The following MEGF11 variants were observed in gnomAD, a reference collection of about 807,000 sequenced individuals.
The protein encoded by MEGF11 is multiple EGF like domains 11.
A neutral mutation model predicts 146.6 loss-of-function variants in MEGF11; 126 were observed. That is an observed-to-expected ratio of 0.86 (90% CI 0.74 to 1.00). MEGF11 has a LOEUF of 1.00. Among genes scored for constraint, MEGF11 ranks in the 50% least tolerant of loss-of-function variants. The pLI, the probability that MEGF11 is intolerant of heterozygous loss-of-function variation, is 0.00. For synonymous variants in MEGF11, 532 were observed against 583.4 expected (o/e 0.91, Z 1.27); for missense variants, 1,509 against 1,521.2 (o/e 0.99, Z 0.13).
intron 1 of MEGF11, among the ~76,000 whole-genome samples, chr15:66,202,004 G>C (rs188083328): frequency 1.4e-5 from 2 of 145,030 alleles, no homozygotes; most frequent in South Asian, 2.2e-4. Context: ...TCTTGATCCC[G>C]GTGGGGTGGG....
chr15:65,906,011 C>A, intron 24 of MEGF11, 74 bp downstream of exon 24: 1 of 1,279,892 alleles, frequency 7.8e-7, no homozygotes, highest in Non-Finnish European at 1.1e-6. Flanking sequence ...AAGTGGAATT[C>A]CTGGCCATTT....
chr15:66,210,962 T>C (rs942827531), intron 1 of MEGF11, among the ~76,000 whole-genome samples: 1 of 151,900 alleles, frequency 6.6e-6, no homozygotes, highest in Admixed American at 6.5e-5. Flanking sequence ...GAATTTAGAG[T>C]ACGGTGTCAG....
At position 65,925,970 on chromosome 15, in the gene MEGF11, A is replaced by G. The variant is rs560471029; in HGVS notation, c.1675+2455T>C. On this transcript the variant is annotated intron_variant, in intron 13 of 25. Coordinates refer to ENST00000395614, the MANE Select transcript of MEGF11 (RefSeq NM_001385028.1). ...TGTCTCCCCTGCCAGCAATTTGAAG[A>G]CAGGTACCATGGCTTACTGCCACTT... Among the ~76,000 whole-genome samples the G allele has an allele frequency of 2.5e-4, 38 of 152,328 alleles. No individual in the cohort carries two copies. The South Asian group carries it at 7.1e-3, about 28-fold the overall frequency.
At chr15:66,147,560 G>C (rs2089419978) in intron 1 of MEGF11, among the ~76,000 whole-genome samples, 1 of 152,256 alleles carries the variant, frequency 6.6e-6, no homozygotes. Context: ...CACATGCTGA[G>C]ACCTGAAGGA....
intron 1 of MEGF11, among the ~76,000 whole-genome samples, chr15:66,167,201 A>C (rs1386506560): frequency 6.6e-6 from 1 of 152,218 alleles, no homozygotes; most frequent in Non-Finnish European, 1.5e-5. Flanking sequence ...GGGTAAAGAA[A>C]GAAAGTGCCC....
intron 1 of MEGF11, among the ~76,000 whole-genome samples, chr15:66,216,877 A>T (rs574288849): frequency 3.3e-5 from 5 of 152,214 alleles, no homozygotes; most frequent in Non-Finnish European, 7.3e-5. Context: ...TGGCTCAAGG[A>T]TACACCCCAA....
At position 66,028,804 on chromosome 15, in the gene MEGF11, G is replaced by A. The variant is rs182683970; in HGVS notation, c.395-46316C>T. ...AGTTAGAATGTAAAATTATATGTGT[G>A]TATAACTACATAATCAAAATGCTGA... On this transcript the variant is annotated intron_variant, in intron 5 of 25. Transcript: ENST00000395614. Among the ~76,000 whole-genome samples, 146 of 152,304 alleles carry A rather than the reference G, an allele frequency of 9.6e-4. 1 individual carries two copies. The highest frequency in any genetic ancestry group is 3.3e-3 in the African/African-American group (136 of 41,572).
chr15:66,182,863 G>A (rs533534327), intron 1 of MEGF11, among the ~76,000 whole-genome samples: 3 of 152,284 alleles, frequency 2.0e-5, no homozygotes, highest in South Asian at 2.1e-4. Flanking sequence ...TTCCACCCAC[G>A]GGGATGAAGC....
At chr15:66,229,117 C>T (rs988601873) in intron 1 of MEGF11, among the ~76,000 whole-genome samples, 4 of 152,154 alleles carry the variant, frequency 2.6e-5, no homozygotes, top group African/African-American at 9.7e-5. Context: ...CACTTGTCAC[C>T]TGCCAGGATC....
chr15:65,942,890 C>T (rs1323666623), intron 10 of MEGF11, among the ~76,000 whole-genome samples: 1 of 151,242 alleles, frequency 6.6e-6, no homozygotes, highest in African/African-American at 2.4e-5. Context: ...CAGCATATGA[C>T]CCTAATCAAT....
Position 65,913,734 on chromosome 15 carries a change from TACCTG to T in MEGF11, c.2708_2710+2del. 6.2e-7 allele frequency: 1 copy of T among 1,608,372 alleles called. No individual in the cohort carries two copies. The highest frequency in any genetic ancestry group is 1.1e-5 in the South Asian group (1 of 90,262). ...GGAGGGAGGCCAGGAGCATGGCCCT[TACCTG>T]AGAGGGAGTAGTCGGTGCTGGTCAT... On this transcript the variant is annotated splice_donor_variant and coding_sequence_variant, in exon 20 of 26. Transcript: ENST00000395614. LOFTEE classifies it high-confidence loss of function.
At chr15:65,898,262 GTGAA>G (rs1214954520) in intron 25 of MEGF11, 168 bp from the exon 26 acceptor site, 1 of 985,392 alleles carries the variant, frequency 1.0e-6, no homozygotes, top group African/African-American at 1.7e-5. Flanking sequence ...GGAAAACTAA[GTGAA>G]TGTGCTGTCA....
intron 1 of MEGF11, among the ~76,000 whole-genome samples, chr15:66,155,683 TCCAATTTCAGTGACTTGGG>T (rs1349463281): frequency 3.3e-5 from 5 of 152,112 alleles, no homozygotes; most frequent in African/African-American, 4.8e-5. Context: ...TTTCAACCTC[TCCAATTTCAGTGACTTGGG>T]CCAAGAAACT....
intron 1 of MEGF11, among the ~76,000 whole-genome samples, chr15:66,167,311 A>G (rs1366343423): frequency 6.6e-6 from 1 of 152,178 alleles, no homozygotes; most frequent in Non-Finnish European, 1.5e-5. Context: ...CTTGGTCCAC[A>G]TGCCCTTCTG....
At chr15:66,173,914 G>A (rs997707644) in intron 1 of MEGF11, among the ~76,000 whole-genome samples, 1 of 152,200 alleles carries the variant, frequency 6.6e-6, no homozygotes, top group East Asian at 1.9e-4. Context: ...CTCTTGGATG[G>A]TCAAGTGCCT....
intron 4 of MEGF11, among the ~76,000 whole-genome samples, chr15:66,097,409 T>C (rs1280048447): frequency 2.6e-5 from 4 of 152,178 alleles, no homozygotes; most frequent in African/African-American, 9.7e-5. Context: ...CTAGAGCGTG[T>C]GGGTGCCCTA....
intron 1 of MEGF11, among the ~76,000 whole-genome samples, chr15:66,168,574 C>T (rs2090161894): frequency 1.3e-5 from 2 of 152,190 alleles, no homozygotes; most frequent in South Asian, 2.1e-4. Flanking sequence ...GCCACCAGTC[C>T]AAACTGAGAT....
chr15:66,114,542 A>G (rs561132592), intron 4 of MEGF11, among the ~76,000 whole-genome samples: 1 of 152,338 alleles, frequency 6.6e-6, no homozygotes, highest in African/African-American at 2.4e-5. Flanking sequence ...AATGCCTCAA[A>G]CTCTACTACA....
chr15:66,245,220 CTG>C (rs1567297334), intron 1 of MEGF11, among the ~76,000 whole-genome samples: 1 of 152,130 alleles, frequency 6.6e-6, no homozygotes, highest in Admixed American at 6.5e-5. Flanking sequence ...CAGGTAGGGA[CTG>C]GGGAGGCAGG....
Sources: allele counts gnomAD v4.1 joint callset (sites outside exome capture counted in the v4.1 genomes callset), GRCh38; gene constraint gnomAD v4.1.1; transcripts MANE v1.5; gene names NCBI Gene and HGNC (gene_info 2026-07-23, HGNC 2026-07-21).